The following HDGFL3 variants were observed in gnomAD, a reference collection of about 807,000 sequenced individuals.
HDGFL3 encodes HDGF like 3, also known as hepatoma-derived growth factor-related protein 3.
In HDGFL3, 6 loss-of-function variants were observed where a neutral mutation model predicts 27.6. That is an observed-to-expected ratio of 0.22 (90% CI 0.12 to 0.43). The LOEUF (loss-of-function observed/expected upper bound fraction) is 0.43. Among genes scored for constraint, HDGFL3 ranks in the 20% least tolerant of loss-of-function variants. HDGFL3 has a pLI of 1.00. For missense variants in HDGFL3, 207 were observed against 250.1 expected (o/e 0.83, Z 1.16); for synonymous variants, 88 against 88.9 (o/e 0.99, Z 0.05).
intron 2 of HDGFL3, among the ~76,000 whole-genome samples, chr15:83,160,034 G>A (rs1228501284): frequency 6.6e-6 from 1 of 152,212 alleles, no homozygotes; most frequent in Non-Finnish European, 1.5e-5. Context: ...GAAGGCTTCT[G>A]AAGTAATGAT....
intron 1 of HDGFL3, among the ~76,000 whole-genome samples, chr15:83,196,211 T>C (rs546718500): frequency 1.3e-5 from 2 of 151,664 alleles, no homozygotes; most frequent in East Asian, 1.9e-4. Context: ...GTCCATTATA[T>C]TTATTGACTT....
Position 83,154,162 on chromosome 15 carries a change from A to AG in HDGFL3, c.460-2802_460-2801insC, listed in dbSNP as rs1445971862. Among the ~76,000 whole-genome samples the AG allele has an allele frequency of 2.0e-5, 3 of 151,802 alleles. No individual in the cohort carries two copies. In the East Asian group the frequency reaches 5.8e-4, roughly 29 times the overall value. On this transcript the variant is annotated intron_variant, in intron 4 of 5. Transcript: ENST00000299633. ...AAATCCGGTCTCTACTGGAAAAAAA[A>AG]AAAAAGCAAAAATAAAAAAGCAAAA...
At chr15:83,157,001 T>G (rs538391733) in intron 4 of HDGFL3, among the ~76,000 whole-genome samples, 3 of 152,318 alleles carry the variant, frequency 2.0e-5, no homozygotes, top group African/African-American at 7.2e-5. Context: ...CCAGCCATGA[T>G]GCATTTCTTA....
chr15:83,127,220 T>TAA (rs59121495), downstream of HDGFL3: 423 of 648,568 alleles, frequency 6.5e-4, no homozygotes, highest in East Asian at 1.2e-3. Flanking sequence ...AAAATAAAAG[T>TAA]AAAAAAAAAA....
chr15:83,115,410 G>A (rs1362109351), exon 4 of HDGFL3: 1 of 332,628 alleles, frequency 3.0e-6, no homozygotes, highest in Non-Finnish European at 5.9e-6. Flanking sequence ...GAGCCACCAT[G>A]CCCAGCCTGA....
intron 1 of HDGFL3, among the ~76,000 whole-genome samples, chr15:83,164,367 C>CAAAAAAAAAAAAAAAATAAAAAAAAAA (rs2037139052): frequency 2.6e-5 from 1 of 38,380 alleles, no homozygotes; most frequent in Non-Finnish European, 4.8e-5. Context: ...TTAGAGTAAC[C>CAAAAAAAAAAAAAAAATAAAAAAAAAA]AAAAAAAAAA....
chr15:83,140,762 C>T (rs868406859), intron 5 of HDGFL3, among the ~76,000 whole-genome samples: 3 of 152,084 alleles, frequency 2.0e-5, no homozygotes, highest in Admixed American at 6.5e-5. Context: ...GGATTACAGG[C>T]GTGAGCCACC....
downstream of HDGFL3, among the ~76,000 whole-genome samples, chr15:83,126,294 C>A (rs1353612524): frequency 6.6e-6 from 1 of 152,158 alleles, no homozygotes; most frequent in Non-Finnish European, 1.5e-5. Flanking sequence ...GCTTTCAAAT[C>A]ATCTTTTACT....
intron 4 of HDGFL3, among the ~76,000 whole-genome samples, chr15:83,151,749 A>C (rs1446276220): frequency 6.6e-6 from 1 of 152,196 alleles, no homozygotes; most frequent in African/African-American, 2.4e-5. Context: ...CCTCCCCATC[A>C]TTTTATAGTA....
chr15:83,130,037 G>C lies in HDGFL3; in HGVS notation c.*9233C>G, dbSNP rs1402846931. On this transcript the variant is annotated 3_prime_UTR_variant, in exon 6 of 6. Transcript: ENST00000299633. ...CAATTGTGCTTTGCCTGCACAATCA[G>C]GCCTCCTCTGCCTGCCATGTGCCTG... 6.6e-6 allele frequency: 1 copy of C among 152,276 alleles called. No homozygotes were observed. The highest frequency in any genetic ancestry group is 2.4e-5 in the African/African-American group (1 of 41,440). The allele number at this position is 152,276 out of a possible 1,614,324, so 9.4% of individuals were successfully genotyped here.
rs1489957545 is a variant in HDGFL3, at chr15:83,131,073, CAGAG to C, written c.*8193_*8196del. The C allele has an allele frequency of 3.3e-5, 5 of 152,102 alleles. No individual in the cohort carries two copies. Among genetic ancestry groups the C allele is most frequent in the Non-Finnish European group, 7.3e-5 (5 of 68,032 alleles). 9.4% of individuals were successfully genotyped at this position (152,102 alleles called of 1,614,324 possible). ...TCACTGCACTCTCCAGCCCAGGTGA[CAGAG>C]AGAGACCCTGTCTCTCCCACCACCA... On this transcript the variant is annotated 3_prime_UTR_variant, in exon 6 of 6. Coordinates refer to ENST00000299633, the MANE Select transcript of HDGFL3 (RefSeq NM_016073.4).
chr15:83,127,050 C>T (rs1420324086), downstream of HDGFL3, among the ~76,000 whole-genome samples: 4 of 151,952 alleles, frequency 2.6e-5, no homozygotes, highest in South Asian at 2.1e-4. Context: ...AAAAACTAGC[C>T]GGGCATGGTG....
chr15:83,199,190 G>T (rs2037607554), intron 1 of HDGFL3, among the ~76,000 whole-genome samples: 1 of 152,138 alleles, frequency 6.6e-6, no homozygotes, highest in Non-Finnish European at 1.5e-5. Context: ...TCAAATAGTG[G>T]TCTAGAGGGA....
intron 4 of HDGFL3, among the ~76,000 whole-genome samples, chr15:83,156,951 C>T (rs1423539253): frequency 1.3e-5 from 2 of 152,146 alleles, no homozygotes; most frequent in Non-Finnish European, 2.9e-5. Flanking sequence ...CCTGCCTCAG[C>T]CTCCCAAACT....
chr15:83,206,321 T>C (rs138020369), intron 1 of HDGFL3, among the ~76,000 whole-genome samples: 269 of 152,314 alleles, frequency 1.8e-3, no homozygotes, highest in African/African-American at 6.1e-3. Context: ...CTGTTTCCGT[T>C]CCTAAAGAAT....
chr15:83,144,537 T>C, intron 5 of HDGFL3: 1 of 456,016 alleles, frequency 2.2e-6, no homozygotes, highest in South Asian at 1.5e-5. Flanking sequence ...TGCCATGCTG[T>C]GAGCTGCCTC....
At chr15:83,119,478 C>A in intron 3 of HDGFL3, 2 of 1,187,892 alleles carry the variant, frequency 1.7e-6, no homozygotes, top group Non-Finnish European at 2.4e-6. Context: ...CAGATGAACA[C>A]AAGTTAGTTC....
chr15:83,155,631 T>C (rs2037018744), intron 4 of HDGFL3, among the ~76,000 whole-genome samples: 1 of 152,238 alleles, frequency 6.6e-6, no homozygotes, highest in Non-Finnish European at 1.5e-5. Context: ...TGTTTTTCAT[T>C]AGGTACACAG....
intron 1 of HDGFL3, among the ~76,000 whole-genome samples, chr15:83,175,573 T>C (rs1371992704): frequency 2.0e-5 from 3 of 152,200 alleles, no homozygotes; most frequent in Non-Finnish European, 2.9e-5. Context: ...CAAAACTTCA[T>C]GGCTGGCTGG....
Sources: allele counts gnomAD v4.1 joint callset (sites outside exome capture counted in the v4.1 genomes callset), GRCh38; gene constraint gnomAD v4.1.1; transcripts MANE v1.5; gene names NCBI Gene and HGNC (gene_info 2026-07-23, HGNC 2026-07-21).